The following RTEL1 variants were observed in gnomAD, a reference collection of about 807,000 sequenced individuals.
The protein encoded by RTEL1 is regulator of telomere length.
Under a neutral mutation model 162.2 loss-of-function variants are expected in RTEL1, and 86 were observed. That is an observed-to-expected ratio of 0.53 (90% CI 0.45 to 0.63). The LOEUF is 0.63. RTEL1 is among the 30% of genes least tolerant of loss of function. RTEL1 has a pLI of 0.00. For synonymous variants in RTEL1, 958 were observed against 717.9 expected (o/e 1.33, Z -5.35); for missense variants, 1,941 against 1,750.2 (o/e 1.11, Z -1.95).
chr20:63,680,834 C>T (rs1244609429), intron 14 of RTEL1, 115 bp downstream of exon 14: 1 of 1,532,014 alleles, frequency 6.5e-7, no homozygotes, highest in African/African-American at 1.4e-5. Context: ...GGCCCCTACA[C>T]CACCTGTTTC....
intron 6 of RTEL1, among the ~76,000 whole-genome samples, chr20:63,663,513 T>C (rs914539262): frequency 1.3e-4 from 20 of 152,290 alleles, no homozygotes; most frequent in African/African-American, 4.8e-4. Flanking sequence ...CCACAGCCTG[T>C]GAGGGCCGGG....
chr20:63,691,788 C>G lies in RTEL1; in HGVS notation c.2603C>G (p.Ala868Gly), dbSNP rs1601176853. Residue 868 changes from alanine (A) to glycine (G), a missense_variant, in exon 28 of 35, where the codon GCA (alanine) becomes GGA (glycine). Coordinates refer to ENST00000360203, the MANE Select transcript of RTEL1 (RefSeq NM_001283009.2). Reference sequence around the variant, plus strand: ...TCCCTCCTGTCTGAGAAGAGGCCGGCAGAAGAACCGCGAGGAGGGAGGAAG... The same window carrying G: ...TCCCTCCTGTCTGAGAAGAGGCCGGGAGAAGAACCGCGAGGAGGGAGGAAG... ...TLSLLSEKRPAEEPRGGRKKI... is the reference protein window; with the variant it reads ...TLSLLSEKRPGEEPRGGRKKI... 2 of 1,612,466 alleles carry G rather than the reference C, an allele frequency of 1.2e-6. No individual in the cohort carries two copies. Among genetic ancestry groups the G allele is most frequent in the East Asian group, 4.5e-5 (2 of 44,876 alleles).
chr20:63,659,996 G>C (rs1027699913), intron 2 of RTEL1, among the ~76,000 whole-genome samples: 1 of 152,162 alleles, frequency 6.6e-6, no homozygotes, highest in African/African-American at 2.4e-5. Context: ...AAGGTACTAT[G>C]CCTGGATGTG....
intron 7 of RTEL1, 108 bp from the exon 8 acceptor site, chr20:63,667,361 G>T: frequency 1.2e-6 from 1 of 859,378 alleles, no homozygotes; most frequent in Non-Finnish European, 2.0e-6. Context: ...TCCCACCTGG[G>T]CCCTACGTGC....
At chr20:63,694,627 C>A in intron 31 of RTEL1, 114 bp from the exon 32 acceptor site, 1 of 1,217,150 alleles carries the variant, frequency 8.2e-7, no homozygotes, top group East Asian at 2.5e-5. Context: ...GTTCTGCACC[C>A]CGCAGTTGTC....
chr20:63,664,176 G>A (rs1364783097), intron 6 of RTEL1, among the ~76,000 whole-genome samples: 4 of 152,120 alleles, frequency 2.6e-5, no homozygotes, highest in Admixed American at 1.3e-4. Flanking sequence ...GGCTCGTCCC[G>A]GTGATGCCTG....
In RTEL1 at chr20:63,695,929, A is replaced by T. The variant is rs2090969591; in HGVS notation, c.*71A>T. 6.9e-7 allele frequency: 1 copy of T among 1,446,054 alleles called. No homozygotes were observed. Among genetic ancestry groups the T allele is most frequent in the East Asian group, 2.5e-5 (1 of 40,532 alleles). 89.6% of individuals were successfully genotyped at this position (1,446,054 alleles called of 1,614,324 possible). The stretch of plus-strand genomic sequence containing the variant: ...GCCTGTCCAGCTCTGGTGGGCCAAG[A>T]ACCCACCCAACAGAATAGGCCAGCC... On this transcript the variant is annotated 3_prime_UTR_variant, in exon 35 of 35. Transcript: ENST00000360203.
chr20:63,690,693 A>G, intron 26 of RTEL1, 112 bp from the exon 27 acceptor site: 1 of 1,271,900 alleles, frequency 7.9e-7, no homozygotes, highest in East Asian at 2.6e-5. Context: ...GAGGACACCC[A>G]CAGGCAGGAC....
chr20:63,675,124 C>T (rs542554412), intron 10 of RTEL1, among the ~76,000 whole-genome samples: 73 of 152,218 alleles, frequency 4.8e-4, no homozygotes, highest in African/African-American at 1.6e-3. Flanking sequence ...AGGCTGGTCT[C>T]GAACTCCTGA....
chr20:63,694,504 A>G lies in RTEL1; in HGVS notation c.3109+16A>G. ...CCCCCAACAGGTAGCTGACTCCTGA[A>G]CCGTGTGCAGCCTACGACTTGGTGG... On this transcript the variant is annotated intron_variant, in intron 31 of 34. Coordinates refer to ENST00000360203, the MANE Select transcript of RTEL1 (RefSeq NM_001283009.2). The G allele has an allele frequency of 6.4e-7, 1 of 1,569,452 alleles. No homozygotes were observed. The highest frequency in any genetic ancestry group is 8.7e-7 in the Non-Finnish European group (1 of 1,144,528).
intron 12 of RTEL1, among the ~76,000 whole-genome samples, chr20:63,678,692 A>C (rs1196788471): frequency 7.4e-6 from 1 of 134,922 alleles, no homozygotes. Flanking sequence ...CACCCACGGA[A>C]CAGCACACAC....
intron 8 of RTEL1, among the ~76,000 whole-genome samples, chr20:63,671,893 T>C (rs1045909207): frequency 6.6e-6 from 1 of 151,974 alleles, no homozygotes; most frequent in African/African-American, 2.4e-5. Context: ...TTTGTTTTGT[T>C]TTGTTTTTGA....
chr20:63,689,973 C>G lies in RTEL1; in HGVS notation c.2141+108C>G, dbSNP rs1008898811. ...AGGCCCCGTCTCCTCCAGAGCCTCT[C>G]CGGCTACTCGGGGTCAGCGTGGGGC... On this transcript the variant is annotated intron_variant, in intron 24 of 34. Coordinates refer to ENST00000360203, the MANE Select transcript of RTEL1 (RefSeq NM_001283009.2). The G allele has an allele frequency of 3.9e-6, 6 of 1,552,490 alleles. No homozygotes were observed. The African/African-American group carries it at 6.8e-5, about 17-fold the overall frequency.
chr20:63,674,586 A>G (rs1171453393), intron 10 of RTEL1, among the ~76,000 whole-genome samples: 3 of 151,984 alleles, frequency 2.0e-5, no homozygotes, highest in Non-Finnish European at 4.4e-5. Context: ...CTGTGGTCCA[A>G]GCTTTTCCGG....
At chr20:63,667,267 C>A (rs2090155107) in intron 7 of RTEL1, among the ~76,000 whole-genome samples, 1 of 151,770 alleles carries the variant, frequency 6.6e-6, no homozygotes, top group Non-Finnish European at 1.5e-5. Flanking sequence ...GAGGACTCCC[C>A]ATCCCTTGGT....
At chr20:63,687,467 A>T in intron 16 of RTEL1, 171 bp from the exon 17 acceptor site, 2 of 758,048 alleles carry the variant, frequency 2.6e-6, no homozygotes, top group Non-Finnish European at 4.1e-6. Flanking sequence ...GCAGGCTCAC[A>T]CTCAGGGCAG....
intron 7 of RTEL1, among the ~76,000 whole-genome samples, chr20:63,666,880 C>T (rs1230566027): frequency 2.8e-5 from 4 of 144,892 alleles, no homozygotes; most frequent in South Asian, 2.2e-4. Context: ...CGCTCTGTCG[C>T]CCAGGCTGGA....
rs1013642836 is a variant in RTEL1 at position 63,693,991 on chromosome 20, G to T, written c.2993-381G>T. Among the ~76,000 whole-genome samples the T allele has an allele frequency of 5.9e-5, 9 of 151,808 alleles. No individual in the cohort carries two copies. In the South Asian group the frequency reaches 1.9e-3, roughly 32 times the overall value. On this transcript the variant is annotated intron_variant, in intron 30 of 34. Coordinates refer to ENST00000360203, the MANE Select transcript of RTEL1 (RefSeq NM_001283009.2). Reference sequence around the variant, plus strand: ...TGGGGTGGAGTCCAAGTCTCCAGAGGCGGAAGCATCTGTGTTCGTGTGTTA... The same window carrying T: ...TGGGGTGGAGTCCAAGTCTCCAGAGTCGGAAGCATCTGTGTTCGTGTGTTA...
intron 7 of RTEL1, 29 bp from the exon 8 acceptor site, chr20:63,667,440 C>G (rs1191545845): frequency 1.9e-6 from 3 of 1,581,926 alleles, no homozygotes; most frequent in African/African-American, 1.3e-5. Flanking sequence ...ATGGGGTGCT[C>G]ACAGGATCTT....
Sources: gnomAD v4.1 joint callset for allele counts (sites outside exome capture counted in the v4.1 genomes callset) on GRCh38, gnomAD v4.1.1 for gene constraint, MANE v1.5 for transcripts, NCBI Gene and HGNC (gene_info 2026-07-23, HGNC 2026-07-21) for gene names.